The following LNPK variants were observed in gnomAD, a reference collection of about 807,000 sequenced individuals.
LNPK encodes endoplasmic reticulum junction formation protein lunapark.
Under a neutral mutation model 55.2 loss-of-function variants are expected in LNPK, and 29 were observed. That is an observed-to-expected ratio of 0.53 (90% CI 0.39 to 0.72). The LOEUF (loss-of-function observed/expected upper bound fraction) is 0.72. Among genes scored for constraint, LNPK ranks in the 30% least tolerant of loss-of-function variants. LNPK has a pLI of 0.00. For missense variants in LNPK, 467 were observed against 494.8 expected, an observed-to-expected ratio of 0.94 and a Z score of 0.53; for synonymous variants, 162 against 168.2, an observed-to-expected ratio of 0.96 and a Z score of 0.29.
chr2:175,999,520 C>A (rs1688082864), intron 1 of LNPK, among the ~76,000 whole-genome samples: 3 of 152,198 alleles, frequency 2.0e-5, no homozygotes, highest in Non-Finnish European at 2.9e-5. Flanking sequence ...GTAGTTGTAG[C>A]TATTTTCTAA....
chr2:175,984,679 C>T lies in LNPK; in HGVS notation c.258-4811G>A, dbSNP rs370310897. Among the ~76,000 whole-genome samples the T allele has an allele frequency of 1.2e-4, 18 of 152,216 alleles. No individual in the cohort carries two copies. In the East Asian group the frequency reaches 2.9e-3, roughly 24 times the overall value. ...CAATGAGATATTGCTACATACCTAT[C>T]AGAACAGTCAAAATAGAAAAGAGTG... On this transcript the variant is annotated intron_variant, in intron 4 of 12. Coordinates refer to ENST00000272748, the MANE Select transcript of LNPK (RefSeq NM_030650.3).
chr2:175,956,249 C>T, intron 8 of LNPK, among the ~76,000 whole-genome samples: 1 of 145,190 alleles, frequency 6.9e-6, no homozygotes. Context: ...CACTGCACTC[C>T]AGCCTGGGTG....
intron 5 of LNPK, among the ~76,000 whole-genome samples, chr2:175,974,602 T>C (rs1686816264): frequency 1.3e-5 from 2 of 152,222 alleles, no homozygotes; most frequent in African/African-American, 4.8e-5. Context: ...TTTAAAAATA[T>C]AAAAGCCAAT....
chr2:176,002,373 G>A (rs574931927), upstream of LNPK: 100 of 366,436 alleles, frequency 2.7e-4, 1 homozygote, highest in South Asian at 1.2e-3. Flanking sequence ...TACCCTGGGC[G>A]GGTAGTTGTT....
intron 5 of LNPK, among the ~76,000 whole-genome samples, chr2:175,977,701 A>G (rs2105675573): frequency 6.6e-6 from 1 of 152,326 alleles, no homozygotes; most frequent in African/African-American, 2.4e-5. Flanking sequence ...GTGGAAACAA[A>G]ACCTAAACAA....
Position 175,926,261 on chromosome 2 carries a change from T to C in LNPK, c.*3706A>G, listed in dbSNP as rs777898867. 5.3e-5 allele frequency: 8 copies of C among 152,208 alleles called. No homozygotes were observed. The South Asian group carries it at 6.2e-4, about 12-fold the overall frequency. The allele number at this position is 152,208 out of a possible 1,614,324, so 9.4% of individuals were successfully genotyped here. ...TTGAAAACTTATGCTAACTGTTGCA[T>C]TGGAAGGTGGAGCCTAATGGAGATG... On this transcript the variant is annotated 3_prime_UTR_variant, in exon 13 of 13. Coordinates refer to ENST00000272748, the MANE Select transcript of LNPK (RefSeq NM_030650.3).
chr2:175,971,846 G>A (rs1336782451), intron 5 of LNPK, among the ~76,000 whole-genome samples: 6 of 152,084 alleles, frequency 3.9e-5, no homozygotes, highest in Non-Finnish European at 8.8e-5. Flanking sequence ...TTAATCCAAG[G>A]GTTAGCAAAC....
chr2:175,934,878 T>TC (rs1241190102), intron 12 of LNPK, among the ~76,000 whole-genome samples: 22 of 151,962 alleles, frequency 1.4e-4, no homozygotes, highest in Admixed American at 6.6e-5. Flanking sequence ...AAAAAAATAT[T>TC]CCAGGTATTC....
rs769067437 is a variant in LNPK at position 176,002,199 on chromosome 2, C to T, written c.-102G>A. 1.6e-5 allele frequency: 7 copies of T among 449,952 alleles called. No individual in the cohort carries two copies. The highest frequency in any genetic ancestry group is 1.0e-4 in the African/African-American group (5 of 49,302). The allele number at this position is 449,952 out of a possible 1,614,324, so 27.9% of individuals were successfully genotyped here. A position where few individuals can be genotyped will look rare whatever the true frequency, so the allele number is the denominator to read the frequency against. On this transcript the variant is annotated 5_prime_UTR_variant, in exon 1 of 13. Transcript: ENST00000272748. ...CGCAGCCCGGCCCGGGCGTCCACCCCCGCCAGTCTCGGCCGCCACCGCCCA... is the reference window on the plus strand; with the variant it reads ...CGCAGCCCGGCCCGGGCGTCCACCCTCGCCAGTCTCGGCCGCCACCGCCCA...
At chr2:175,971,919 T>G (rs559204610) in intron 5 of LNPK, among the ~76,000 whole-genome samples, 1 of 152,264 alleles carries the variant, frequency 6.6e-6, no homozygotes, top group Non-Finnish European at 1.5e-5. Flanking sequence ...AAATCAAGTC[T>G]GTATTTTTTT....
chr2:175,984,713 CA>C (rs1173343891), intron 4 of LNPK, among the ~76,000 whole-genome samples: 8 of 152,130 alleles, frequency 5.3e-5, no homozygotes, highest in Admixed American at 2.0e-4. Flanking sequence ...TGATTAACAC[CA>C]AATGCTGGCA....
intron 6 of LNPK, chr2:175,967,899 T>C (rs1156447574): frequency 1.2e-5 from 4 of 344,046 alleles, no homozygotes; most frequent in Non-Finnish European, 1.6e-5. Flanking sequence ...AAGAACTCTA[T>C]AGAGAATAAA....
At chr2:175,930,882 T>C (rs1399960270) in intron 12 of LNPK, among the ~76,000 whole-genome samples, 1 of 152,158 alleles carries the variant, frequency 6.6e-6, no homozygotes, top group Non-Finnish European at 1.5e-5. Flanking sequence ...GGTCTTTTAA[T>C]CCCATCTCCA....
intron 4 of LNPK, among the ~76,000 whole-genome samples, chr2:175,991,230 T>G (rs1211603990): frequency 2.0e-5 from 3 of 152,174 alleles, no homozygotes; most frequent in Non-Finnish European, 4.4e-5. Flanking sequence ...TCATACTTAT[T>G]TTGTAATTTT....
chr2:175,997,702 GCT>G (rs1491145978), intron 1 of LNPK, among the ~76,000 whole-genome samples: 1 of 53,184 alleles, frequency 1.9e-5, no homozygotes. Context: ...TAAAACAAAT[GCT>G]CTGTGTGTGT....
chr2:175,993,718 G>T (rs139940685), intron 2 of LNPK, among the ~76,000 whole-genome samples: 1 of 151,880 alleles, frequency 6.6e-6, no homozygotes, highest in African/African-American at 2.4e-5. Flanking sequence ...GATTGAACCC[G>T]GGAGCCAGAG....
chr2:175,935,432 G>A (rs1252722182), intron 12 of LNPK, among the ~76,000 whole-genome samples: 1 of 152,104 alleles, frequency 6.6e-6, no homozygotes, highest in African/African-American at 2.4e-5. Flanking sequence ...AGCTTCATCT[G>A]TTCATCAGAT....
chr2:175,926,164 T>C lies in LNPK; in HGVS notation c.*3803A>G, dbSNP rs914307979. The C allele has an allele frequency of 6.6e-6, 1 of 152,190 alleles. No homozygotes were observed. Among genetic ancestry groups the C allele is most frequent in the Non-Finnish European group, 1.5e-5 (1 of 68,018 alleles). The allele number at this position is 152,190 out of a possible 1,614,324, so 9.4% of individuals were successfully genotyped here. A position where few individuals can be genotyped will look rare whatever the true frequency, so the allele number is the denominator to read the frequency against. ...TTGCCTATATTCAAATCCCTCTTTT[T>C]CCACTTACCAGGTATACAATTTTAA... On this transcript the variant is annotated 3_prime_UTR_variant, in exon 13 of 13. Transcript: ENST00000272748.
intron 12 of LNPK, 24 bp from the exon 13 acceptor site, chr2:175,930,223 T>C (rs62186994): frequency 3.1e-6 from 5 of 1,599,520 alleles, no homozygotes; most frequent in Non-Finnish European, 4.3e-6. Flanking sequence ...GATTCAAAAC[T>C]TTAGGAATAC....
Sources: allele counts gnomAD v4.1 joint callset (sites outside exome capture counted in the v4.1 genomes callset), GRCh38; gene constraint gnomAD v4.1.1; transcripts MANE v1.5; gene names NCBI Gene and HGNC (gene_info 2026-07-23, HGNC 2026-07-21).